The following DPP6 variants were observed in gnomAD, a reference collection of about 807,000 sequenced individuals.
DPP6 encodes dipeptidyl peptidase like 6.
Under a neutral mutation model 122.6 loss-of-function variants are expected in DPP6, and 69 were observed. The observed-to-expected ratio is 0.56, with a 90% CI of 0.46 to 0.69. The LOEUF (loss-of-function observed/expected upper bound fraction) is 0.69. DPP6 is among the 30% of genes least tolerant of loss of function. The pLI, the probability that DPP6 is intolerant of heterozygous loss-of-function variation, is 0.00. For missense variants in DPP6, 928 were observed against 1,116.9 expected (o/e 0.83, Z 2.41); for synonymous variants, 418 against 433.1 (o/e 0.97, Z 0.43).
intron 1 of DPP6, among the ~76,000 whole-genome samples, chr7:154,150,707 C>T (rs1796367705): frequency 1.3e-5 from 2 of 152,374 alleles, no homozygotes; most frequent in South Asian, 4.1e-4. Flanking sequence ...GCTGCACAGT[C>T]CTGATTCCTG....
At chr7:154,637,078 C>T (rs1835773881) in intron 5 of DPP6, among the ~76,000 whole-genome samples, 1 of 152,188 alleles carries the variant, frequency 6.6e-6, no homozygotes, top group Admixed American at 6.5e-5. Context: ...ATTTCTTGAA[C>T]CGCCATCTTC....
the DPP6 span, among the ~76,000 whole-genome samples, chr7:153,758,928 T>C: frequency 1.3e-5 from 2 of 152,324 alleles, no homozygotes; most frequent in East Asian, 1.9e-4. Flanking sequence ...AGTAGGCATA[T>C]GTTCAACTTT....
chr7:154,892,190 G>A lies in DPP6; in HGVS notation c.2452-144G>A, dbSNP rs537252073. Reference sequence around the variant, plus strand: ...AGGAAGAGGCACTTCCATCAGGAGTGGCATGGTTAGCAAACCCACTTCATC... The same window carrying A: ...AGGAAGAGGCACTTCCATCAGGAGTAGCATGGTTAGCAAACCCACTTCATC... On this transcript the variant is annotated intron_variant, in intron 25 of 25. Coordinates refer to ENST00000377770, the MANE Select transcript of DPP6 (RefSeq NM_130797.4). 201 of 1,062,262 alleles carry A rather than the reference G, an allele frequency of 1.9e-4. 1 individual carries two copies. In the African/African-American group the frequency reaches 2.6e-3, roughly 14 times the overall value. The allele number at this position is 1,062,262 out of a possible 1,614,324, so 65.8% of individuals were successfully genotyped here.
Position 153,914,640 on chromosome 7 carries a change from A to G in DPP6, c.51+26906A>G, listed in dbSNP as rs916503683. On this transcript the variant is annotated intron_variant, in intron 1 of 25. Coordinates refer to the DPP6 transcript ENST00000404039. ...TTTTATAACATTCACTGCATTTGGA[A>G]AGGAAACTTCATCTCATCTCATGAG... Among the ~76,000 whole-genome samples the G allele has an allele frequency of 3.3e-5, 5 of 152,316 alleles. No individual in the cohort carries two copies. In the East Asian group the frequency reaches 9.6e-4, roughly 29 times the overall value.
At chr7:154,735,010 A>G (rs550199582) in intron 8 of DPP6, among the ~76,000 whole-genome samples, 1 of 152,362 alleles carries the variant, frequency 6.6e-6, no homozygotes, top group African/African-American at 2.4e-5. Context: ...CACCTGCTCA[A>G]CTATTTCATT....
chr7:154,178,915 G>T (rs1797941200), intron 1 of DPP6, among the ~76,000 whole-genome samples: 1 of 152,168 alleles, frequency 6.6e-6, no homozygotes, highest in Non-Finnish European at 1.5e-5. Flanking sequence ...AGAACCCAAG[G>T]GAAGTGGCAG....
the DPP6 span, among the ~76,000 whole-genome samples, chr7:153,867,876 A>G: frequency 3.3e-5 from 5 of 152,126 alleles, no homozygotes; most frequent in Admixed American, 6.5e-5. Flanking sequence ...GTTGAATTTT[A>G]TCAAAGGCCT....
chr7:154,108,040 A>G (rs1806298605), intron 1 of DPP6, among the ~76,000 whole-genome samples: 1 of 152,190 alleles, frequency 6.6e-6, no homozygotes, highest in Admixed American at 6.5e-5. Flanking sequence ...ATGAAAGGAA[A>G]ATTTAAAAAT....
intron 1 of DPP6, among the ~76,000 whole-genome samples, chr7:154,283,380 A>T (rs1025703346): frequency 1.1e-4 from 17 of 152,208 alleles, no homozygotes; most frequent in Admixed American, 3.3e-4. Context: ...GCTATTTTAA[A>T]AATAGTTAAT....
chr7:154,584,901 A>T (rs1282313296), intron 5 of DPP6, among the ~76,000 whole-genome samples: 1 of 152,244 alleles, frequency 6.6e-6, no homozygotes, highest in Non-Finnish European at 1.5e-5. Flanking sequence ...GTATCTTTAT[A>T]TAACATATAC....
chr7:154,064,939 A>G (rs1384635210), intron 1 of DPP6, among the ~76,000 whole-genome samples: 1 of 152,108 alleles, frequency 6.6e-6, no homozygotes, highest in Non-Finnish European at 1.5e-5. Context: ...GGTTCTGCAG[A>G]CCTTGCAGCG....
chr7:154,141,961 C>A (rs1441869347), intron 1 of DPP6, among the ~76,000 whole-genome samples: 1 of 152,106 alleles, frequency 6.6e-6, no homozygotes, highest in Non-Finnish European at 1.5e-5. Flanking sequence ...TTGCTTGCAG[C>A]AGGACCAATC....
intron 16 of DPP6, among the ~76,000 whole-genome samples, chr7:154,812,568 C>T (rs1370233950): frequency 6.6e-6 from 1 of 151,982 alleles, no homozygotes; most frequent in African/African-American, 2.4e-5. Context: ...AAGAGGGTGA[C>T]AGAGCTCTCT....
At chr7:154,347,221 C>T (rs141918791) in intron 1 of DPP6, among the ~76,000 whole-genome samples, 1 of 152,306 alleles carries the variant, frequency 6.6e-6, no homozygotes, top group Non-Finnish European at 1.5e-5. Flanking sequence ...GTTGGGTGCA[C>T]ATTCACAGAG....
chr7:154,587,680 T>C, intron 5 of DPP6: 2 of 1,550,264 alleles, frequency 1.3e-6, no homozygotes, highest in East Asian at 2.4e-5. Context: ...GAAGTTGACA[T>C]TGCCTCATTC....
At chr7:153,950,661 C>T (rs372388769) in intron 1 of DPP6, among the ~76,000 whole-genome samples, 1 of 152,132 alleles carries the variant, frequency 6.6e-6, no homozygotes, top group Admixed American at 6.5e-5. Flanking sequence ...GCATTGCTTA[C>T]AGAGAGAGGA....
chr7:154,756,631 T>C (rs1843687734), intron 8 of DPP6, among the ~76,000 whole-genome samples: 1 of 152,016 alleles, frequency 6.6e-6, no homozygotes, highest in Non-Finnish European at 1.5e-5. Context: ...CTGCCACCCA[T>C]CCCACCTCCT....
intron 1 of DPP6, among the ~76,000 whole-genome samples, chr7:154,186,360 CA>C (rs1464780811): frequency 6.6e-6 from 1 of 152,188 alleles, no homozygotes; most frequent in Non-Finnish European, 1.5e-5. Flanking sequence ...TGGTGATGAA[CA>C]AAAGACTAGT....
At chr7:154,844,970 A>G (rs1801832721) in intron 16 of DPP6, among the ~76,000 whole-genome samples, 1 of 152,226 alleles carries the variant, frequency 6.6e-6, no homozygotes, top group South Asian at 2.1e-4. Context: ...CTTGGAACTT[A>G]GTGAAAAGGG....
Sources: allele counts gnomAD v4.1 joint callset (sites outside exome capture counted in the v4.1 genomes callset), GRCh38; gene constraint gnomAD v4.1.1; transcripts MANE v1.5; gene names NCBI Gene and HGNC (gene_info 2026-07-23, HGNC 2026-07-21).